The following CDK1 variants were observed in gnomAD, a reference collection of about 807,000 sequenced individuals.
CDK1 encodes cyclin dependent kinase 1, also known as cyclin-dependent kinase 1.
A neutral mutation model predicts 34.6 loss-of-function variants in CDK1; 5 were observed. That is an observed-to-expected ratio of 0.14 (90% CI 0.08 to 0.30). CDK1 has a LOEUF of 0.30. Among genes scored for constraint, CDK1 ranks in the 10% least tolerant of loss-of-function variants. The pLI is 1.00. For synonymous variants in CDK1, 108 were observed against 114.7 expected, an observed-to-expected ratio of 0.94 and a Z score of 0.37; for missense variants, 157 against 345.7, an observed-to-expected ratio of 0.45 and a Z score of 4.33.
upstream of CDK1, chr10:60,778,441 T>G (rs917512908): frequency 1.3e-5 from 2 of 152,292 alleles, no homozygotes; most frequent in African/African-American, 4.8e-5. Context: ...GATTGGTGAA[T>G]CCGGGGCCCT....
chr10:60,787,964 T>G (rs1359432174), intron 4 of CDK1, 96 bp from the exon 5 acceptor site: 1 of 664,226 alleles, frequency 1.5e-6, no homozygotes, highest in African/African-American at 1.8e-5. Context: ...AGTAATTAAA[T>G]TATTTCTCTG....
At chr10:60,783,296 A>G (rs1332068589) in intron 2 of CDK1, among the ~76,000 whole-genome samples, 1 of 152,220 alleles carries the variant, frequency 6.6e-6, no homozygotes, top group Non-Finnish European at 1.5e-5. Flanking sequence ...TCAAAATAGT[A>G]TAAAATGACT....
At chr10:60,786,079 A>G (rs140037449) in intron 4 of CDK1, 45 of 1,032,346 alleles carry the variant, frequency 4.4e-5, no homozygotes, top group Non-Finnish European at 5.1e-5. Context: ...ATGTAAAACA[A>G]AGTAATGAAA....
intron 4 of CDK1, 86 bp from the exon 5 acceptor site, chr10:60,787,974 G>GCGT: frequency 5.8e-6 from 4 of 686,184 alleles, no homozygotes; most frequent in Non-Finnish European, 9.3e-6. Context: ...TTATTTCTCT[G>GCGT]CGTCCTAATT....
At chr10:60,788,928 T>C (rs1041764844) in intron 5 of CDK1, among the ~76,000 whole-genome samples, 12 of 152,144 alleles carry the variant, frequency 7.9e-5, no homozygotes, top group African/African-American at 2.9e-4. Context: ...TACATGGCTA[T>C]ATAAATAAAC....
intron 5 of CDK1, among the ~76,000 whole-genome samples, chr10:60,790,102 T>C (rs2080348890): frequency 6.6e-6 from 1 of 152,236 alleles, no homozygotes; most frequent in Admixed American, 6.5e-5. Context: ...ACTATTTTTT[T>C]TATTCTGGAT....
rs1194540328 is a variant in CDK1, at chr10:60,787,192, C to T, written c.319-868C>T. The T allele has an allele frequency of 8.9e-6, 3 of 338,934 alleles. No homozygotes were observed. In the Admixed American group the frequency reaches 1.9e-4, roughly 22 times the overall value. The allele number at this position is 338,934 out of a possible 1,614,324, so 21.0% of individuals were successfully genotyped here. A position where few individuals can be genotyped will look rare whatever the true frequency, so the allele number is the denominator to read the frequency against. On this transcript the variant is annotated intron_variant, in intron 4 of 7. Coordinates refer to ENST00000395284, the MANE Select transcript of CDK1 (RefSeq NM_001786.5). ...TTCACTAGAAACCATACTTCATTTA[C>T]CCATACAACCATTCTGTTTTTTCAC...
rs951974005 is a variant in CDK1, at chr10:60,786,015, G to A, written c.318+228G>A. The A allele has an allele frequency of 5.2e-6, 6 of 1,149,762 alleles. No homozygotes were observed. In the African/African-American group the frequency reaches 6.4e-5, roughly 12 times the overall value. The allele number at this position is 1,149,762 out of a possible 1,614,324, so 71.2% of individuals were successfully genotyped here. On this transcript the variant is annotated intron_variant, in intron 4 of 7. Transcript: ENST00000395284. ...TTAGTGCCTGAGATAACATAGAACTGGTAGGTATTGTTGGAAGCTAGGGTA... is the reference window on the plus strand; with the variant it reads ...TTAGTGCCTGAGATAACATAGAACTAGTAGGTATTGTTGGAAGCTAGGGTA...
chr10:60,791,596 A>G (rs1000084128), intron 5 of CDK1, among the ~76,000 whole-genome samples: 1 of 152,056 alleles, frequency 6.6e-6, no homozygotes, highest in Non-Finnish European at 1.5e-5. Context: ...TCTATTATCA[A>G]TGGGTTTGGT....
chr10:60,785,277 C>G (rs1189582283), intron 3 of CDK1, among the ~76,000 whole-genome samples: 1 of 152,060 alleles, frequency 6.6e-6, no homozygotes. Context: ...GACCTGTCTT[C>G]CTAACAGTCC....
intron 4 of CDK1, chr10:60,787,797 C>T (rs549172297): frequency 1.2e-4 from 24 of 201,108 alleles, no homozygotes; most frequent in Non-Finnish European, 1.9e-4. Flanking sequence ...ATTTAAGGAT[C>T]GGGGACCAAA....
chr10:60,784,574 G>A, intron 2 of CDK1, 131 bp from the exon 3 acceptor site: 1 of 679,444 alleles, frequency 1.5e-6, no homozygotes, highest in Non-Finnish European at 2.5e-6. Context: ...AGGTTGTAGT[G>A]AGCCTTGATT....
intron 4 of CDK1, chr10:60,786,411 A>G: frequency 1.4e-6 from 1 of 735,418 alleles, no homozygotes; most frequent in South Asian, 6.2e-5. Flanking sequence ...AACATTATCA[A>G]GACGTAGATC....
Position 60,780,142 on chromosome 10 carries a change from A to T in CDK1, c.-24A>T. 2 of 1,465,228 alleles carry T rather than the reference A, an allele frequency of 1.4e-6. No individual in the cohort carries two copies. The highest frequency in any genetic ancestry group is 1.9e-6 in the Non-Finnish European group (2 of 1,045,542). 90.8% of individuals were successfully genotyped at this position (1,465,228 alleles called of 1,614,324 possible). On this transcript the variant is annotated splice_region_variant and 5_prime_UTR_variant, in exon 2 of 8. Transcript: ENST00000395284. ...AAGTCAGTTTTTCCTTCACTTTAGG[A>T]TCTACCATACCCATTGACTAACTAT...
Position 60,794,010 on chromosome 10 carries a change from C to A in CDK1, c.*35C>A. On this transcript the variant is annotated 3_prime_UTR_variant, in exon 8 of 8. Transcript: ENST00000395284. ...AAAAAGTTTCCATATGTTATATCAA[C>A]AGATAGTTGTGTTTTTATTGTTAAC... 1.0e-6 allele frequency: 1 copy of A among 956,668 alleles called. No homozygotes were observed. Among genetic ancestry groups the A allele is most frequent in the Non-Finnish European group, 1.6e-6 (1 of 630,352 alleles). 59.3% of individuals were successfully genotyped at this position (956,668 alleles called of 1,614,324 possible).
chr10:60,793,817 G>C, intron 7 of CDK1, 60 bp from the exon 8 acceptor site: 3 of 916,284 alleles, frequency 3.3e-6, no homozygotes, highest in Non-Finnish European at 5.1e-6. Flanking sequence ...GTTTTATGGA[G>C]ATTTTTGTAA....
In CDK1 at chr10:60,784,836, G is replaced by C. The variant is rs1230964680; in HGVS notation, c.169G>C (p.Glu57Gln). ...AATTCGGGAAATTTCTCTATTAAAGGAACTTCGTCATCCAAATATAGTCAG... is the reference window on the plus strand; with the variant it reads ...AATTCGGGAAATTTCTCTATTAAAGCAACTTCGTCATCCAAATATAGTCAG... ...TAIREISLLK[E>Q]LRHPNIVSLQ... is the part of the protein sequence containing the mutation. Residue 57 changes from glutamate to glutamine, a missense_variant, in exon 3 of 8, where the codon GAA becomes CAA. Glu to Gln is a conservative substitution (Grantham distance 29). Transcript: ENST00000395284. The C allele has an allele frequency of 6.2e-7, 1 of 1,613,558 alleles. No individual in the cohort carries two copies. Among genetic ancestry groups the C allele is most frequent in the Non-Finnish European group, 8.5e-7 (1 of 1,179,568 alleles).
At chr10:60,785,880 G>A (rs2080311657) in intron 4 of CDK1, 93 bp downstream of exon 4, 1 of 1,367,728 alleles carries the variant, frequency 7.3e-7, no homozygotes, top group African/African-American at 1.5e-5. Flanking sequence ...AATATGCTTG[G>A]AAAAAGTGTT....
Position 60,794,007 on chromosome 10 carries a change from C to A in CDK1, c.*32C>A. On this transcript the variant is annotated 3_prime_UTR_variant, in exon 8 of 8. Coordinates refer to ENST00000395284, the MANE Select transcript of CDK1 (RefSeq NM_001786.5). The stretch of plus-strand genomic sequence containing the variant: ...GACAAAAAGTTTCCATATGTTATAT[C>A]AACAGATAGTTGTGTTTTTATTGTT... 2 of 967,220 alleles carry A rather than the reference C, an allele frequency of 2.1e-6. No individual in the cohort carries two copies. Among genetic ancestry groups the A allele is most frequent in the Non-Finnish European group, 3.1e-6 (2 of 638,714 alleles). 59.9% of individuals were successfully genotyped at this position (967,220 alleles called of 1,614,324 possible).
Sources: allele counts gnomAD v4.1 joint callset (sites outside exome capture counted in the v4.1 genomes callset), GRCh38; gene constraint gnomAD v4.1.1; transcripts MANE v1.5; gene names NCBI Gene and HGNC (gene_info 2026-07-23, HGNC 2026-07-21).